The following ZNF713 variants were observed in gnomAD, a reference collection of about 807,000 sequenced individuals.
The protein encoded by ZNF713 is zinc finger protein 713.
In ZNF713, 21 loss-of-function variants were observed where a neutral mutation model predicts 28.7. The ratio of observed to expected loss-of-function variants is 0.73; its 90% CI spans 0.52 to 1.05. The LOEUF is 1.05. ZNF713 is among the 50% of genes least tolerant of loss of function. ZNF713 has a pLI of 0.00. For missense variants in ZNF713, 458 were observed against 532.4 expected, an observed-to-expected ratio of 0.86 and a Z score of 1.37; for synonymous variants, 167 against 178.0, an observed-to-expected ratio of 0.94 and a Z score of 0.49.
chr7:55,912,422 C>T (rs1191429492), intron 3 of ZNF713, among the ~76,000 whole-genome samples: 1 of 152,190 alleles, frequency 6.6e-6, no homozygotes, highest in Non-Finnish European at 1.5e-5. Context: ...CCCTATGCCA[C>T]AACAAGGGGA....
chr7:55,914,110 C>CA (rs755685299), intron 4 of ZNF713, among the ~76,000 whole-genome samples: 1,338 of 59,800 alleles, frequency 0.022, 18 homozygotes, highest in African/African-American at 0.062. Flanking sequence ...GACTCCATCT[C>CA]AAAAAAAAAA....
intron 2 of ZNF713, among the ~76,000 whole-genome samples, chr7:55,909,467 A>G (rs1458131578): frequency 6.6e-6 from 1 of 152,194 alleles, no homozygotes; most frequent in Non-Finnish European, 1.5e-5. Context: ...GAAGTCACAT[A>G]ATGTGATGCC....
chr7:55,913,492 C>T (rs1451777849), intron 4 of ZNF713, among the ~76,000 whole-genome samples: 3 of 152,078 alleles, frequency 2.0e-5, no homozygotes, highest in Non-Finnish European at 2.9e-5. Context: ...TGAGCCACCA[C>T]GCCCGGCCTA....
chr7:55,938,393 C>T (rs1786396582), intron 6 of ZNF713, among the ~76,000 whole-genome samples: 1 of 151,896 alleles, frequency 6.6e-6, no homozygotes, highest in Admixed American at 6.6e-5. Flanking sequence ...CCTGTGTGTA[C>T]ATAGGGAAAA....
At chr7:55,918,415 A>C in intron 4 of ZNF713, 1 of 178,516 alleles carries the variant, frequency 5.6e-6, no homozygotes, top group Non-Finnish European at 1.2e-5. Flanking sequence ...TTAATCCCCC[A>C]AGTTTTGGGA....
chr7:55,932,250 C>A (rs1057376244), intron 6 of ZNF713, among the ~76,000 whole-genome samples: 1 of 151,508 alleles, frequency 6.6e-6, no homozygotes, highest in Non-Finnish European at 1.5e-5. Flanking sequence ...AATTTGTGGC[C>A]AGGCGTGGTG....
intron 2 of ZNF713, among the ~76,000 whole-genome samples, chr7:55,909,935 ATG>A (rs1226999089): frequency 7.1e-6 from 1 of 141,682 alleles, no homozygotes; most frequent in East Asian, 2.1e-4. Context: ...GAATATATGT[ATG>A]TGTGTATATA....
intron 6 of ZNF713, among the ~76,000 whole-genome samples, chr7:55,926,589 AG>A (rs1786101092): frequency 6.6e-6 from 1 of 152,174 alleles, no homozygotes; most frequent in African/African-American, 2.4e-5. Context: ...CACGCCCACT[AG>A]GGTACTGCAT....
chr7:55,920,041 G>A (rs1034404947), intron 4 of ZNF713, among the ~76,000 whole-genome samples: 4 of 152,186 alleles, frequency 2.6e-5, no homozygotes, highest in South Asian at 2.1e-4. Flanking sequence ...CTCTCCCCCG[G>A]CTTCCCTATT....
intron 6 of ZNF713, among the ~76,000 whole-genome samples, chr7:55,932,719 C>G (rs1327149832): frequency 6.9e-6 from 1 of 144,772 alleles, no homozygotes. Flanking sequence ...CCCGTCTCTA[C>G]TAAAAATACA....
Position 55,887,629 on chromosome 7 carries a change from C to G in ZNF713, c.-634C>G. The G allele has an allele frequency of 5.8e-6, 1 of 172,818 alleles. No individual in the cohort carries two copies. The highest frequency in any genetic ancestry group is 1.1e-5 in the Non-Finnish European group (1 of 90,208). 10.7% of individuals were successfully genotyped at this position (172,818 alleles called of 1,614,324 possible). A position where few individuals can be genotyped will look rare whatever the true frequency, so the allele number is the denominator to read the frequency against. On this transcript the variant is annotated 5_prime_UTR_variant, in exon 1 of 7. Transcript: ENST00000429591. ...GCGGCGGCGGCGGCGGCGGCGGCGG[C>G]GGCGGCGGCGTCAGGGGGCGGAGCC...
intron 4 of ZNF713, among the ~76,000 whole-genome samples, chr7:55,914,459 T>C (rs543718961): frequency 1.3e-5 from 2 of 152,324 alleles, no homozygotes; most frequent in East Asian, 3.9e-4. Context: ...CCTGCCGAAG[T>C]GCTGGGATTG....
chr7:55,936,196 C>T (rs565542343), intron 6 of ZNF713, among the ~76,000 whole-genome samples: 6 of 145,630 alleles, frequency 4.1e-5, no homozygotes, highest in South Asian at 2.2e-4. Flanking sequence ...ACCCAGGAGG[C>T]GGAGGTTGCA....
intron 4 of ZNF713, among the ~76,000 whole-genome samples, chr7:55,915,094 G>A (rs1785855895): frequency 6.6e-6 from 1 of 152,218 alleles, no homozygotes; most frequent in African/African-American, 2.4e-5. Flanking sequence ...GCCTCCCAAA[G>A]TATTGGGATT....
intron 6 of ZNF713, 27 bp from the exon 7 acceptor site, chr7:55,938,955 T>A: frequency 1.3e-6 from 2 of 1,544,088 alleles, no homozygotes; most frequent in Non-Finnish European, 1.7e-6. Context: ...TATTGGAAAG[T>A]ATTTGTATGT....
chr7:55,911,753 A>G lies in ZNF713; in HGVS notation c.-318A>G, dbSNP rs1434768358. 6.6e-6 allele frequency: 1 copy of G among 152,238 alleles called. No homozygotes were observed. Among genetic ancestry groups the G allele is most frequent in the South Asian group, 2.1e-4 (1 of 4,840 alleles). 9.4% of individuals were successfully genotyped at this position (152,238 alleles called of 1,614,324 possible). A position where few individuals can be genotyped will look rare whatever the true frequency, so the allele number is the denominator to read the frequency against. On this transcript the variant is annotated 5_prime_UTR_variant, in exon 3 of 7. Transcript: ENST00000429591. ...AATAACAACCTTCAAGAGCCCCTTC[A>G]TCTCAACTCGGCATAAACAAGGCAA...
At chr7:55,920,876 C>T (rs1785979451) in intron 4 of ZNF713, among the ~76,000 whole-genome samples, 1 of 152,126 alleles carries the variant, frequency 6.6e-6, no homozygotes, top group South Asian at 2.1e-4. Flanking sequence ...CTGCCTGTGC[C>T]TCCCAAAGTG....
intron 2 of ZNF713, among the ~76,000 whole-genome samples, chr7:55,910,707 G>A (rs897886312): frequency 6.6e-6 from 1 of 152,058 alleles, no homozygotes; most frequent in African/African-American, 2.4e-5. Flanking sequence ...TGTTGCCCTA[G>A]CTGGTCTCAA....
chr7:55,908,488 G>A (rs551805428), intron 2 of ZNF713, among the ~76,000 whole-genome samples: 6 of 152,146 alleles, frequency 3.9e-5, no homozygotes, highest in Non-Finnish European at 7.4e-5. Context: ...TCTGACTGGT[G>A]TGAGATGGTA....
Sources: gnomAD v4.1 joint callset for allele counts (sites outside exome capture counted in the v4.1 genomes callset) on GRCh38, gnomAD v4.1.1 for gene constraint, MANE v1.5 for transcripts, NCBI Gene and HGNC (gene_info 2026-07-23, HGNC 2026-07-21) for gene names.